PHF12: variants seen among roughly 807,000 people sequenced by gnomAD.
The protein encoded by PHF12 is PHD factor 1.
Under a neutral mutation model 99.8 loss-of-function variants are expected in PHF12, and 6 were observed. That is an observed-to-expected ratio of 0.06 (90% CI 0.03 to 0.12). The LOEUF (loss-of-function observed/expected upper bound fraction) is 0.12, where lower values mean the gene tolerates loss of function less well. Among genes scored for constraint, PHF12 ranks in the 10% least tolerant of loss-of-function variants. PHF12 has a pLI of 1.00. For synonymous variants in PHF12, 480 were observed against 514.9 expected (o/e 0.93, Z 0.92); for missense variants, 954 against 1,300.1 (o/e 0.73, Z 4.09).
chr17:28,932,546 A>G (rs931867067), intron 2 of PHF12, among the ~76,000 whole-genome samples: 8 of 152,182 alleles, frequency 5.3e-5, no homozygotes, highest in Non-Finnish European at 8.8e-5. Context: ...TCCATATCAG[A>G]AATACTGCTG....
At position 28,906,392 on chromosome 17, in the gene PHF12, C is replaced by T; in HGVS notation, c.2806G>A (p.Gly936Ser). The change falls in exon 15 of 15, where the codon GGC becomes AGC. Residue 936 changes from glycine to serine, a missense_variant. Transcript: ENST00000332830. The surrounding 1 kb of genome is among the most constrained non-coding windows in gnomAD (Gnocchi z 4.2). ...CKASSSSLIG[G>S]SGAGWEGTAL... ...GTGCCCTCCCAGCCGGCCCCACTGCCCCCAATCAAGCTCGAGCTGCTGGCT... is the reference window on the plus strand; with the variant it reads ...GTGCCCTCCCAGCCGGCCCCACTGCTCCCAATCAAGCTCGAGCTGCTGGCT... 2 of 1,614,236 alleles carry T rather than the reference C, an allele frequency of 1.2e-6. No homozygotes were observed. Among genetic ancestry groups the T allele is most frequent in the Non-Finnish European group, 1.7e-6 (2 of 1,180,052 alleles).
chr17:28,950,016 C>A lies in PHF12; in HGVS notation c.248+49G>T, dbSNP rs371236911. 4.7e-6 allele frequency: 7 copies of A among 1,502,252 alleles called. No individual in the cohort carries two copies. The highest frequency in any genetic ancestry group is 1.3e-5 in the South Asian group (1 of 79,098). 93.1% of individuals were successfully genotyped at this position (1,502,252 alleles called of 1,614,324 possible). ...CAGGGGCAGGCCGGGTGAAGGAATG[C>A]GCAGAGAAGGGTCCGCCAAGAAGCT... On this transcript the variant is annotated intron_variant, in intron 2 of 14. Coordinates refer to ENST00000332830, the MANE Select transcript of PHF12 (RefSeq NM_001033561.2). This position sits in a 1 kb window ranked among gnomAD's most constrained non-coding sequence, Gnocchi z 5.7.
chr17:28,931,561 C>G (rs1353307412), intron 2 of PHF12, among the ~76,000 whole-genome samples: 2 of 149,844 alleles, frequency 1.3e-5, no homozygotes, highest in Non-Finnish European at 3.0e-5. Context: ...CTGGCTGAGG[C>G]CATCACTTCT....
Position 28,927,069 on chromosome 17 carries a change from G to A in PHF12, c.249-6C>T, listed in dbSNP as rs774534475. On this transcript the variant is annotated splice_region_variant and splice_polypyrimidine_tract_variant and intron_variant, in intron 2 of 14. Coordinates refer to ENST00000332830, the MANE Select transcript of PHF12 (RefSeq NM_001033561.2). ...CTTCACTCAGTGGAGGGTTACTGTG[G>A]GGAACAGACAAGGGCAAGACTAAAT... 6.2e-7 allele frequency: 1 copy of A among 1,612,978 alleles called. No individual in the cohort carries two copies.
rs1213264884 is a variant in PHF12, at chr17:28,949,938, C to G, written c.248+127G>C. The G allele has an allele frequency of 8.8e-7, 1 of 1,137,536 alleles. No homozygotes were observed. Among genetic ancestry groups the G allele is most frequent in the East Asian group, 2.6e-5 (1 of 38,924 alleles). The allele number at this position is 1,137,536 out of a possible 1,614,324, so 70.5% of individuals were successfully genotyped here. ...CCTGGGGGCGGGGAGGTGCTCGCCC[C>G]GGCAGCTGCAGAAAGTCAGCTAGCG... On this transcript the variant is annotated intron_variant, in intron 2 of 14. Coordinates refer to ENST00000332830, the MANE Select transcript of PHF12 (RefSeq NM_001033561.2). This position sits in a 1 kb window ranked among gnomAD's most constrained non-coding sequence, Gnocchi z 4.6.
chr17:28,926,725 G>A, intron 3 of PHF12: 1 of 1,338,400 alleles, frequency 7.5e-7, no homozygotes, highest in East Asian at 3.0e-5. Flanking sequence ...AGGACAACAA[G>A]AAGGTAAGAC....
intron 2 of PHF12, among the ~76,000 whole-genome samples, chr17:28,934,747 C>G (rs767909702): frequency 1.1e-4 from 16 of 151,848 alleles, no homozygotes; most frequent in Non-Finnish European, 1.9e-4. Context: ...ATTACAGGCA[C>G]CCGCCACCAC....
intron 2 of PHF12, among the ~76,000 whole-genome samples, chr17:28,940,888 C>T (rs1302774344): frequency 1.3e-5 from 2 of 152,140 alleles, no homozygotes; most frequent in Non-Finnish European, 2.9e-5. Context: ...GGGGTACAGC[C>T]GTGCTCCTGT....
At chr17:28,925,748 T>C (rs940903473) in intron 3 of PHF12, 2 of 152,224 alleles carry the variant, frequency 1.3e-5, no homozygotes, top group African/African-American at 4.8e-5. Context: ...CTTTCTAAAA[T>C]GGAAACCTAC....
chr17:28,927,440 T>G (rs1020588737), intron 2 of PHF12, among the ~76,000 whole-genome samples: 1 of 152,192 alleles, frequency 6.6e-6, no homozygotes, highest in Non-Finnish European at 1.5e-5. Flanking sequence ...CCCCTTCAGG[T>G]GCTCTTCCCA....
intron 2 of PHF12, among the ~76,000 whole-genome samples, chr17:28,936,208 T>C (rs986977333): frequency 4.6e-5 from 7 of 152,184 alleles, no homozygotes; most frequent in Non-Finnish European, 8.8e-5. Flanking sequence ...TGCACGACAT[T>C]AACATTTACT....
intron 2 of PHF12, among the ~76,000 whole-genome samples, chr17:28,934,004 A>G (rs982071325): frequency 1.3e-5 from 2 of 152,168 alleles, no homozygotes; most frequent in African/African-American, 2.4e-5. Context: ...CCATGTCCAC[A>G]CGACTACACC....
intron 2 of PHF12, among the ~76,000 whole-genome samples, chr17:28,933,713 A>G (rs1036459582): frequency 6.6e-6 from 1 of 152,132 alleles, no homozygotes; most frequent in Non-Finnish European, 1.5e-5. Flanking sequence ...TACCACACTG[A>G]AAAATGAACG....
At position 28,906,542 on chromosome 17, in the gene PHF12, GA is replaced by G. The variant is rs1251701902; in HGVS notation, c.2681-26del. The G allele has an allele frequency of 1.1e-5, 17 of 1,574,806 alleles. No individual in the cohort carries two copies. Among genetic ancestry groups the G allele is most frequent in the African/African-American group, 1.3e-5 (1 of 74,160 alleles). On this transcript the variant is annotated intron_variant, in intron 14 of 14. Transcript: ENST00000332830. The surrounding 1 kb of genome is among the most constrained non-coding windows in gnomAD (Gnocchi z 4.2). ...CCTGGGAAAAAGGGGGATGGTCACA[GA>G]AGAGGAACAGTGAGCAGCCAACCCA...
chr17:28,941,080 C>T (rs1327295714), intron 2 of PHF12, among the ~76,000 whole-genome samples: 2 of 148,912 alleles, frequency 1.3e-5, no homozygotes, highest in Non-Finnish European at 3.0e-5. Flanking sequence ...ACTTAAAACG[C>T]TGGACCTTAA....
chr17:28,945,032 T>C (rs2040696921), intron 2 of PHF12: 2 of 152,220 alleles, frequency 1.3e-5, no homozygotes, highest in Admixed American at 1.3e-4. Flanking sequence ...CTCAACACTT[T>C]GTGAGGCCAA....
chr17:28,922,796 G>C (rs964304319), intron 4 of PHF12, among the ~76,000 whole-genome samples: 1 of 152,068 alleles, frequency 6.6e-6, no homozygotes, highest in Non-Finnish European at 1.5e-5. Context: ...AAAAAAGCAA[G>C]AAGGCCAGGC....
chr17:28,937,776 A>T (rs2040535713), intron 2 of PHF12, among the ~76,000 whole-genome samples: 1 of 152,220 alleles, frequency 6.6e-6, no homozygotes, highest in Non-Finnish European at 1.5e-5. Context: ...CAAGGGCCTG[A>T]TCTATCACTA....
intron 2 of PHF12, among the ~76,000 whole-genome samples, chr17:28,948,831 A>T (rs945617437): frequency 6.7e-6 from 1 of 149,972 alleles, no homozygotes; most frequent in Non-Finnish European, 1.5e-5. Flanking sequence ...TCCTCTCTCC[A>T]GTCTGGCTCC....
Sources: allele counts gnomAD v4.1 joint callset (sites outside exome capture counted in the v4.1 genomes callset), GRCh38; gene constraint gnomAD v4.1.1; non-coding constraint Gnocchi (gnomAD v3.1); transcripts MANE v1.5; gene names NCBI Gene and HGNC (gene_info 2026-07-23, HGNC 2026-07-21).